PLEKHA5: variants seen among roughly 807,000 people sequenced by gnomAD.
PLEKHA5 encodes the protein pleckstrin homology domain containing A5, also known as pleckstrin homology domain-containing family A member 5.
PLEKHA5 carries 55 observed loss-of-function variants against 181.9 expected under a neutral mutation model. That is an observed-to-expected ratio of 0.30 (90% CI 0.24 to 0.38). PLEKHA5 has a LOEUF of 0.38. Among genes scored for constraint, PLEKHA5 ranks in the 10% least tolerant of loss-of-function variants. The probability of loss-of-function intolerance (pLI) is 1.00; values close to 1 mark genes in which losing one functional copy is unlikely to be tolerated. For synonymous variants in PLEKHA5, 535 were observed against 529.4 expected (o/e 1.01, Z -0.15); for missense variants, 1,432 against 1,549.5 (o/e 0.92, Z 1.27).
In PLEKHA5 at chr12:19,260,870, A is replaced by AAT. The variant is rs2068286862; in HGVS notation, c.538-78_538-77insTA. On this transcript the variant is annotated intron_variant, in intron 6 of 31. Coordinates refer to ENST00000429027, the MANE Select transcript of PLEKHA5 (RefSeq NM_001256470.2). ...AGCGAAACTCCATCTCAAAAAAATA[A>AAT]AAATAAATAAATAAATAAATGCACA... 6 of 896,356 alleles carry AAT rather than the reference A, an allele frequency of 6.7e-6. No homozygotes were observed. The Admixed American group carries it at 1.2e-4, about 17-fold the overall frequency. 55.5% of individuals were successfully genotyped at this position (896,356 alleles called of 1,614,324 possible).
Position 19,320,621 on chromosome 12 carries a change from T to C in PLEKHA5, c.2214T>C (p.Ile738=). 3 of 1,384,094 alleles carry C rather than the reference T, an allele frequency of 2.2e-6. No homozygotes were observed. Among genetic ancestry groups the C allele is most frequent in the Non-Finnish European group, 3.1e-6 (3 of 980,368 alleles). The allele number at this position is 1,384,094 out of a possible 1,614,324, so 85.7% of individuals were successfully genotyped here. A position where few individuals can be genotyped will look rare whatever the true frequency, so the allele number is the denominator to read the frequency against. ...LYKYRPEEVD[I]DAKLSRLCEQ... Reference sequence around the variant, plus strand: ...AATACAGACCTGAAGAAGTAGATATTGATGTAAGTATTAGTATGATATATG... The same window carrying C: ...AATACAGACCTGAAGAAGTAGATATCGATGTAAGTATTAGTATGATATATG... Residue 738 remains isoleucine (I), a synonymous_variant, in exon 18 of 32, where the codon ATT becomes ATC. Transcript: ENST00000429027.
chr12:19,337,119 C>T (rs1050715013), intron 21 of PLEKHA5, among the ~76,000 whole-genome samples: 1 of 151,204 alleles, frequency 6.6e-6, no homozygotes, highest in African/African-American at 2.4e-5. Context: ...TCCCGAGTAG[C>T]TGGGATCACA....
rs2074032987 is a variant in PLEKHA5 at position 19,274,693 on chromosome 12, T to C, written c.1023T>C (p.Asp341=). The C allele has an allele frequency of 6.2e-7, 1 of 1,613,958 alleles. No individual in the cohort carries two copies. Among genetic ancestry groups the C allele is most frequent in the Admixed American group, 1.7e-5 (1 of 60,008 alleles). ...EKYGFQKDGQ[D]RPLTKINSVK... ...ATGGATTTCAGAAGGATGGTCAAGA[T>C]AGACCCTTAACAAAAATTAATAGTG... is the stretch of plus-strand genomic sequence containing the variant. Residue 341 remains aspartate, a synonymous_variant, in exon 11 of 32, where the codon GAT becomes GAC. Transcript: ENST00000429027.
At chr12:19,163,434 A>C (rs113763058) in intron 3 of PLEKHA5, among the ~76,000 whole-genome samples, 15,963 of 151,996 alleles carry the variant, frequency 0.11, 1,129 homozygotes, top group African/African-American at 0.2. Context: ...ACCTCGGCCT[A>C]CCAAAGTGCT....
chr12:19,264,076 C>T (rs551591621), intron 7 of PLEKHA5, among the ~76,000 whole-genome samples: 6 of 151,420 alleles, frequency 4.0e-5, no homozygotes, highest in South Asian at 2.1e-4. Flanking sequence ...ATTTTTTACA[C>T]GCACTGTCTT....
At chr12:19,251,021 G>A (rs1413922319) in intron 3 of PLEKHA5, among the ~76,000 whole-genome samples, 2 of 152,084 alleles carry the variant, frequency 1.3e-5, no homozygotes, top group Non-Finnish European at 2.9e-5. Flanking sequence ...AAAAAGACCC[G>A]CATTTTGCTT....
chr12:19,151,572 T>G (rs1042274827), intron 3 of PLEKHA5: 1 of 152,130 alleles, frequency 6.6e-6, no homozygotes. Flanking sequence ...TTGTGAACTC[T>G]TAATAGCTTA....
chr12:19,272,174 A>AG (rs1259314102), intron 10 of PLEKHA5, among the ~76,000 whole-genome samples: 1 of 152,170 alleles, frequency 6.6e-6, no homozygotes, highest in Non-Finnish European at 1.5e-5. Flanking sequence ...AGAAAAAAAA[A>AG]TCTAAGTATA....
intron 3 of PLEKHA5, among the ~76,000 whole-genome samples, chr12:19,191,752 T>G (rs936253169): frequency 6.6e-5 from 10 of 152,134 alleles, no homozygotes; most frequent in African/African-American, 2.4e-4. Flanking sequence ...GCTTAAGGCT[T>G]TAGTCTCTGC....
chr12:19,285,282 A>T (rs2076985828), intron 12 of PLEKHA5, among the ~76,000 whole-genome samples: 1 of 152,194 alleles, frequency 6.6e-6, no homozygotes, highest in African/African-American at 2.4e-5. Context: ...TCTAAATTAC[A>T]TGCTCTCATG....
At chr12:19,242,055 T>G (rs1417954501) in intron 3 of PLEKHA5, among the ~76,000 whole-genome samples, 1 of 152,198 alleles carries the variant, frequency 6.6e-6, no homozygotes, top group South Asian at 2.1e-4. Flanking sequence ...CTAAATTATG[T>G]TAAGCACTTT....
In PLEKHA5 at chr12:19,230,640, C is replaced by T. The variant is rs551957755; in HGVS notation, c.228-23300C>T. Among the ~76,000 whole-genome samples the T allele has an allele frequency of 1.1e-4, 17 of 152,304 alleles. No individual in the cohort carries two copies. The East Asian group carries it at 1.7e-3, about 16-fold the overall frequency. ...ACTGCCTGGGGCCAGCAATGCCGGC[C>T]GGCCACTCTGAGTGCGGCCCGCGGA... On this transcript the variant is annotated intron_variant, in intron 3 of 31. Transcript: ENST00000429027.
chr12:19,132,484 A>C, intron 3 of PLEKHA5, 34 bp downstream of exon 3: 1 of 1,099,528 alleles, frequency 9.1e-7, no homozygotes, highest in Non-Finnish European at 1.4e-6. Flanking sequence ...TTTCCTTCGT[A>C]ATTAGAATGC....
intron 29 of PLEKHA5, among the ~76,000 whole-genome samples, chr12:19,365,345 G>A (rs957662547): frequency 1.1e-4 from 16 of 147,222 alleles, no homozygotes; most frequent in African/African-American, 3.8e-4. Flanking sequence ...CAGCCTGGGC[G>A]ACAGAGTGAG....
At chr12:19,322,424 G>A (rs1257295373) in intron 19 of PLEKHA5, 34 bp downstream of exon 19, 1 of 1,572,722 alleles carries the variant, frequency 6.4e-7, no homozygotes, top group Admixed American at 1.7e-5. Context: ...TACAATTGAT[G>A]TTACTTAATA....
At chr12:19,282,834 C>T (rs114997786) in intron 11 of PLEKHA5, among the ~76,000 whole-genome samples, 41 of 151,886 alleles carry the variant, frequency 2.7e-4, no homozygotes, top group Non-Finnish European at 4.7e-4. Flanking sequence ...TGTGTTAAAT[C>T]GAATTTCATT....
At chr12:19,153,055 C>A (rs1591827556) in intron 3 of PLEKHA5, 1 of 150,464 alleles carries the variant, frequency 6.6e-6, no homozygotes, top group African/African-American at 2.4e-5. Context: ...TTTTCCATTC[C>A]AGTCCTTACA....
chr12:19,314,022 G>A (rs7297169), intron 15 of PLEKHA5, among the ~76,000 whole-genome samples: 1 of 151,912 alleles, frequency 6.6e-6, no homozygotes, highest in Non-Finnish European at 1.5e-5. Context: ...CAGACCTGTC[G>A]ACTTACAAAT....
intron 15 of PLEKHA5, chr12:19,306,414 G>C: frequency 1.8e-6 from 1 of 556,206 alleles, no homozygotes; most frequent in Non-Finnish European, 3.4e-6. Context: ...TAGAGAAAAG[G>C]TGGCGACGGC....
Sources: gnomAD v4.1 joint callset for allele counts (sites outside exome capture counted in the v4.1 genomes callset) on GRCh38, gnomAD v4.1.1 for gene constraint, MANE v1.5 for transcripts, NCBI Gene and HGNC (gene_info 2026-07-23, HGNC 2026-07-21) for gene names.